KIAA0513: variants seen among roughly 807,000 people sequenced by gnomAD.
The protein encoded by KIAA0513 is uncharacterized protein KIAA0513.
Under a neutral mutation model 56.5 loss-of-function variants are expected in KIAA0513, and 39 were observed. That is an observed-to-expected ratio of 0.69 (90% CI 0.53 to 0.90). The LOEUF (loss-of-function observed/expected upper bound fraction) is 0.90, where lower values mean the gene tolerates loss of function less well. Among genes scored for constraint, KIAA0513 ranks in the 40% least tolerant of loss-of-function variants. The pLI, the probability that KIAA0513 is intolerant of heterozygous loss-of-function variation, is 0.00. For synonymous variants in KIAA0513, 268 were observed against 215.6 expected (o/e 1.24, Z -2.13); for missense variants, 591 against 535.2 (o/e 1.10, Z -1.03).
Position 85,065,803 on chromosome 16 carries a change from G to T in KIAA0513, c.-172-1097G>T, listed in dbSNP as rs554857209. On this transcript the variant is annotated intron_variant, in intron 1 of 12. Transcript: ENST00000683363. ...CGCCTAGCTGTCTGCCTCTGTACTG[G>T]TGAGGAAGGTTCCCCAGTACCTTCT... is the stretch of plus-strand genomic sequence containing the variant. Among the ~76,000 whole-genome samples the T allele has an allele frequency of 5.1e-4, 78 of 152,292 alleles. No individual in the cohort carries two copies. In the Middle Eastern group the frequency reaches 0.01, roughly 20 times the overall value.
Position 85,086,883 on chromosome 16 carries a change from C to G in KIAA0513, c.1091+159C>G, listed in dbSNP as rs759984973. On this transcript the variant is annotated intron_variant, in intron 11 of 12. Coordinates refer to ENST00000683363, the MANE Select transcript of KIAA0513 (RefSeq NM_001388359.1). Reference sequence around the variant, plus strand: ...ATGCCAGCTCATAATTAATCCGCCTCCTACACGACCCCTGGTGGCCACAGT... The same window carrying G: ...ATGCCAGCTCATAATTAATCCGCCTGCTACACGACCCCTGGTGGCCACAGT... 13 of 832,124 alleles carry G rather than the reference C, an allele frequency of 1.6e-5. No individual in the cohort carries two copies. The African/African-American group carries it at 1.7e-4, about 11-fold the overall frequency. 51.5% of individuals were successfully genotyped at this position (832,124 alleles called of 1,614,324 possible). A position where few individuals can be genotyped will look rare whatever the true frequency, so the allele number is the denominator to read the frequency against.
At chr16:85,057,926 T>C (rs928409042) in intron 1 of KIAA0513, among the ~76,000 whole-genome samples, 1 of 152,232 alleles carries the variant, frequency 6.6e-6, no homozygotes, top group Admixed American at 6.5e-5. Context: ...GCCCTCCTCA[T>C]TGGTGACCCC....
intron 10 of KIAA0513, among the ~76,000 whole-genome samples, chr16:85,084,936 T>A (rs1328522401): frequency 6.6e-6 from 1 of 152,218 alleles, no homozygotes; most frequent in East Asian, 1.9e-4. Flanking sequence ...ATTTACCTCT[T>A]TCTTGAGACA....
chr16:85,075,956 G>C, intron 5 of KIAA0513, 42 bp downstream of exon 5: 1 of 1,452,976 alleles, frequency 6.9e-7, no homozygotes, highest in Non-Finnish European at 9.7e-7. Flanking sequence ...CCTGAGGCTA[G>C]TCTGCTGATA....
intron 1 of KIAA0513, among the ~76,000 whole-genome samples, chr16:85,059,703 C>T (rs556191930): frequency 6.6e-6 from 1 of 152,330 alleles, no homozygotes; most frequent in South Asian, 2.1e-4. Flanking sequence ...ATGAACTGCT[C>T]TGATAATAGG....
intron 1 of KIAA0513, among the ~76,000 whole-genome samples, chr16:85,058,541 A>C (rs1677647936): frequency 6.6e-6 from 1 of 151,990 alleles, no homozygotes; most frequent in Admixed American, 6.6e-5. Context: ...AATTCCAGCT[A>C]CTTGGGAGGC....
chr16:85,078,652 G>A (rs75226746), intron 7 of KIAA0513, among the ~76,000 whole-genome samples, 197 bp downstream of exon 7: 2,186 of 152,356 alleles, frequency 0.014, 25 homozygotes, highest in Non-Finnish European at 0.022. Context: ...AGTTTTCTCA[G>A]GAGGAACTAA....
intron 4 of KIAA0513, among the ~76,000 whole-genome samples, chr16:85,074,805 T>TGC (rs148650999): frequency 0.058 from 8,879 of 152,310 alleles, 420 homozygotes; most frequent in East Asian, 0.24. Context: ...ATTTCCGACA[T>TGC]TTGCAGTCAC....
At chr16:85,038,707 C>CAAAA (rs769470751) in intron 1 of KIAA0513, among the ~76,000 whole-genome samples, 39 of 71,164 alleles carry the variant, frequency 5.5e-4, no homozygotes, top group African/African-American at 9.7e-4. Context: ...GACTCAGCCT[C>CAAAA]AAAAAAAAAA....
intron 4 of KIAA0513, among the ~76,000 whole-genome samples, chr16:85,073,203 G>A (rs573908429): frequency 1.3e-5 from 2 of 152,284 alleles, no homozygotes; most frequent in African/African-American, 4.8e-5. Context: ...GCAGTCCTTA[G>A]CTGGCAGCGA....
At chr16:85,069,180 A>G (rs1209249103) in intron 2 of KIAA0513, among the ~76,000 whole-genome samples, 1 of 148,700 alleles carries the variant, frequency 6.7e-6, no homozygotes, top group Non-Finnish European at 1.5e-5. Context: ...ATAGGTACAC[A>G]CCACCATGCC....
At chr16:85,028,480 G>T (rs1456382088) in intron 1 of KIAA0513, among the ~76,000 whole-genome samples, 1 of 152,172 alleles carries the variant, frequency 6.6e-6, no homozygotes, top group Non-Finnish European at 1.5e-5. Context: ...TGAGCAAAGG[G>T]GAGGATTGCA....
In KIAA0513 at chr16:85,044,517, T is replaced by A. The variant is rs866531572; in HGVS notation, c.-173+16659T>A. ...CTCCTCCTTTTTATTTTTATTTTTT[T>A]TTTTTTTTGAGACAGAGACTCGCCC... On this transcript the variant is annotated intron_variant, in intron 1 of 12. Coordinates refer to ENST00000683363, the MANE Select transcript of KIAA0513 (RefSeq NM_001388359.1). Among the ~76,000 whole-genome samples the A allele has an allele frequency of 1.7e-3, 254 of 151,864 alleles. 1 individual carries two copies. Among genetic ancestry groups the A allele is most frequent in the African/African-American group, 3.9e-3 (160 of 41,464 alleles).
At chr16:85,034,754 A>G (rs2073011852) in intron 1 of KIAA0513, among the ~76,000 whole-genome samples, 1 of 152,182 alleles carries the variant, frequency 6.6e-6, no homozygotes, top group Non-Finnish European at 1.5e-5. Flanking sequence ...TCACCAAAAC[A>G]GTATAACGTA....
intron 1 of KIAA0513, among the ~76,000 whole-genome samples, chr16:85,040,829 C>T (rs561806005): frequency 2.0e-5 from 3 of 152,312 alleles, no homozygotes; most frequent in African/African-American, 7.2e-5. Flanking sequence ...TCTAGAGAAG[C>T]GTGTGCCTTG....
At chr16:85,035,928 G>A (rs1382856980) in intron 1 of KIAA0513, among the ~76,000 whole-genome samples, 2 of 149,338 alleles carry the variant, frequency 1.3e-5, no homozygotes, top group South Asian at 2.1e-4. Flanking sequence ...GCAGTGAGCC[G>A]AGATCGTGCC....
chr16:85,067,947 A>G (rs193232834), intron 2 of KIAA0513, among the ~76,000 whole-genome samples: 68 of 151,558 alleles, frequency 4.5e-4, no homozygotes, highest in Admixed American at 1.4e-3. Flanking sequence ...AGTAGCTGGG[A>G]CTATAAGCAC....
chr16:85,046,479 C>G (rs939467478), intron 1 of KIAA0513, among the ~76,000 whole-genome samples: 1 of 152,184 alleles, frequency 6.6e-6, no homozygotes, highest in African/African-American at 2.4e-5. Flanking sequence ...CCCGTCTGCT[C>G]TGCCTTCGTC....
At chr16:85,056,802 G>A (rs1213772898) in intron 1 of KIAA0513, among the ~76,000 whole-genome samples, 1 of 152,146 alleles carries the variant, frequency 6.6e-6, no homozygotes, top group Non-Finnish European at 1.5e-5. Flanking sequence ...TGGGGTCAAG[G>A]AATCCTCATG....
Sources: allele counts gnomAD v4.1 joint callset (sites outside exome capture counted in the v4.1 genomes callset), GRCh38; gene constraint gnomAD v4.1.1; transcripts MANE v1.5; gene names NCBI Gene and HGNC (gene_info 2026-07-23, HGNC 2026-07-21).